Variants in STK38L observed in about 807,000 individuals in gnomAD.
STK38L encodes serine/threonine kinase 38 like.
A neutral mutation model predicts 59.7 loss-of-function variants in STK38L; 28 were observed. The ratio of observed to expected loss-of-function variants is 0.47; its 90% CI spans 0.35 to 0.64. The LOEUF is 0.64. Ranked by LOEUF, STK38L falls within the 30% of genes least tolerant of loss-of-function variation. STK38L has a pLI of 0.01. For synonymous variants in STK38L, 162 were observed against 176.8 expected (o/e 0.92, Z 0.66); for missense variants, 314 against 555.8 (o/e 0.56, Z 4.37).
chr12:27,257,856 A>T (rs1179101833), intron 1 of STK38L, among the ~76,000 whole-genome samples: 1 of 147,558 alleles, frequency 6.8e-6, no homozygotes, highest in Non-Finnish European at 1.5e-5. Context: ...ACTTTAATTT[A>T]TGTCAAGCTT....
intron 9 of STK38L, 99 bp downstream of exon 9, chr12:27,315,449 C>T: frequency 1.1e-6 from 1 of 930,302 alleles, no homozygotes; most frequent in Non-Finnish European, 1.6e-6. Context: ...TTAGTATTTA[C>T]TTCATAACAA....
rs1358392653 is a variant in STK38L, at chr12:27,320,869, C to T, written c.1176-1274C>T. On this transcript the variant is annotated intron_variant, in intron 12 of 13. Coordinates refer to ENST00000389032, the MANE Select transcript of STK38L (RefSeq NM_015000.4). ...TGATCTCGGCTCACTGCAAGCTCCA[C>T]CTCCCGGGTTCACGCCATTCTCCTG... 2.6e-5 allele frequency among the ~76,000 whole-genome samples: 4 copies of T among 151,490 alleles called. No individual in the cohort carries two copies. The East Asian group carries it at 7.7e-4, about 29-fold the overall frequency.
intron 1 of STK38L, among the ~76,000 whole-genome samples, chr12:27,277,626 T>C (rs925204983): frequency 4.6e-5 from 7 of 152,186 alleles, no homozygotes; most frequent in African/African-American, 1.7e-4. Flanking sequence ...TCTTATCTCA[T>C]AATTCTTTAA....
At chr12:27,284,473 A>G (rs1179099395) in intron 1 of STK38L, among the ~76,000 whole-genome samples, 3 of 152,214 alleles carry the variant, frequency 2.0e-5, no homozygotes, top group African/African-American at 7.2e-5. Context: ...TGTAATTGAA[A>G]TTGAATTCAA....
chr12:27,306,263 A>G (rs573357647), intron 3 of STK38L, among the ~76,000 whole-genome samples: 1 of 152,254 alleles, frequency 6.6e-6, no homozygotes, highest in African/African-American at 2.4e-5. Flanking sequence ...ATTAAGCAGG[A>G]TTTCTGCAAC....
At chr12:27,270,468 C>T (rs1943400318) in intron 1 of STK38L, among the ~76,000 whole-genome samples, 2 of 152,162 alleles carry the variant, frequency 1.3e-5, no homozygotes, top group Admixed American at 1.3e-4. Flanking sequence ...ACCTCCACCT[C>T]TTGGGTTTGA....
At position 27,281,080 on chromosome 12, in the gene STK38L, T is replaced by G. The variant is rs951325691; in HGVS notation, c.-11-16630T>G. On this transcript the variant is annotated intron_variant, in intron 1 of 13. Coordinates refer to ENST00000389032, the MANE Select transcript of STK38L (RefSeq NM_015000.4). ...GGCTTTAGCTTTGTTTTTTTTTTTT[T>G]TTTTTTTTTTTTTTTTTTTTTTTGA... Among the ~76,000 whole-genome samples the G allele has an allele frequency of 2.8e-4, 2 of 7,148 alleles. 1 individual carries two copies. The highest frequency in any genetic ancestry group is 6.3e-4 in the Non-Finnish European group (2 of 3,176). 4.7% of individuals were successfully genotyped at this position (7,148 alleles called of 152,430 possible).
intron 1 of STK38L, among the ~76,000 whole-genome samples, chr12:27,286,921 T>A (rs541049039): frequency 2.0e-5 from 3 of 152,318 alleles, no homozygotes; most frequent in Non-Finnish European, 4.4e-5. Flanking sequence ...TGTCTTTGAT[T>A]CACTAGTAAA....
chr12:27,309,079 T>A (rs1203975942), intron 4 of STK38L, 35 bp from the exon 5 acceptor site: 1 of 1,463,732 alleles, frequency 6.8e-7, no homozygotes, highest in East Asian at 2.5e-5. Context: ...CAAATAGTAG[T>A]GACTGTTTTA....
rs568130883 is a variant in STK38L, at chr12:27,252,568, T to C, written c.-12+8236T>C. On this transcript the variant is annotated intron_variant, in intron 1 of 13. Coordinates refer to ENST00000389032, the MANE Select transcript of STK38L (RefSeq NM_015000.4). ...TCTGTATTTGGCAGCAGAGGCTGGT[T>C]GCTCAGTTTATTGTAGTACTAGGGA... 3.9e-5 allele frequency among the ~76,000 whole-genome samples: 6 copies of C among 152,376 alleles called. No homozygotes were observed. The South Asian group carries it at 1.2e-3, about 32-fold the overall frequency.
At chr12:27,270,300 C>T (rs937240673) in intron 1 of STK38L, among the ~76,000 whole-genome samples, 1 of 152,028 alleles carries the variant, frequency 6.6e-6, no homozygotes, top group African/African-American at 2.4e-5. Flanking sequence ...CTGTACCTCC[C>T]AGGCCCAGGC....
chr12:27,292,934 C>T lies in STK38L; in HGVS notation c.-11-4776C>T, dbSNP rs146153010. On this transcript the variant is annotated intron_variant, in intron 1 of 13. Coordinates refer to ENST00000389032, the MANE Select transcript of STK38L (RefSeq NM_015000.4). Reference sequence around the variant, plus strand: ...AAATGACCTCATATGTATTTCTATACTGTTGGGTTTTTTGTTTGTTTTTTT... The same window carrying T: ...AAATGACCTCATATGTATTTCTATATTGTTGGGTTTTTTGTTTGTTTTTTT... Among the ~76,000 whole-genome samples the T allele has an allele frequency of 1.0e-3, 155 of 152,074 alleles. 1 individual carries two copies. Among genetic ancestry groups the T allele is most frequent in the Middle Eastern group, 3.4e-3 (1 of 294 alleles).
chr12:27,269,560 C>T (rs560590881), intron 1 of STK38L, among the ~76,000 whole-genome samples: 1 of 152,256 alleles, frequency 6.6e-6, no homozygotes, highest in African/African-American at 2.4e-5. Context: ...AGCATGAGCC[C>T]TCCAGCTTTT....
chr12:27,261,432 T>A (rs1373549126), intron 1 of STK38L, among the ~76,000 whole-genome samples: 1 of 152,238 alleles, frequency 6.6e-6, no homozygotes, highest in Non-Finnish European at 1.5e-5. Context: ...TTTCTTTGTT[T>A]AATACCCATA....
chr12:27,276,713 A>G (rs1019812205), intron 1 of STK38L, among the ~76,000 whole-genome samples: 2 of 152,272 alleles, frequency 1.3e-5, no homozygotes, highest in Admixed American at 1.3e-4. Context: ...TATCAAAATT[A>G]CAGTATAAAC....
At chr12:27,306,923 G>A (rs1944331651) in intron 3 of STK38L, among the ~76,000 whole-genome samples, 1 of 151,920 alleles carries the variant, frequency 6.6e-6, no homozygotes, top group Admixed American at 6.6e-5. Context: ...TAGAGACGGG[G>A]TTTTACCATG....
chr12:27,273,170 G>T (rs369886585), intron 1 of STK38L, among the ~76,000 whole-genome samples: 1 of 151,592 alleles, frequency 6.6e-6, no homozygotes, highest in Admixed American at 6.6e-5. Flanking sequence ...AAACAAGGGC[G>T]GAGATTTTCT....
At chr12:27,297,980 C>T in intron 2 of STK38L, 126 bp downstream of exon 2, 3 of 1,202,152 alleles carry the variant, frequency 2.5e-6, no homozygotes. Context: ...TTTGAGTTTC[C>T]TGTACTGACA....
At chr12:27,256,056 C>G (rs1370545916) in intron 1 of STK38L, among the ~76,000 whole-genome samples, 1 of 152,180 alleles carries the variant, frequency 6.6e-6, no homozygotes. Flanking sequence ...TGACTGACAT[C>G]TAGTCATTTT....
Sources: gnomAD v4.1 joint callset for allele counts (sites outside exome capture counted in the v4.1 genomes callset) on GRCh38, gnomAD v4.1.1 for gene constraint, MANE v1.5 for transcripts, NCBI Gene and HGNC (gene_info 2026-07-23, HGNC 2026-07-21) for gene names.